RAD51B: variants seen among roughly 807,000 people sequenced by gnomAD.
RAD51B encodes the protein RAD51 paralog B.
Under a neutral mutation model 42.2 loss-of-function variants are expected in RAD51B, and 38 were observed. That is an observed-to-expected ratio of 0.90 (90% CI 0.70 to 1.18). The LOEUF is 1.18. Among genes scored for constraint, RAD51B ranks in the 50% most tolerant of loss-of-function variants. The pLI, the probability that RAD51B is intolerant of heterozygous loss-of-function variation, is 0.00. For synonymous variants in RAD51B, 154 were observed against 145.2 expected, an observed-to-expected ratio of 1.06 and a Z score of -0.43; for missense variants, 373 against 400.7, an observed-to-expected ratio of 0.93 and a Z score of 0.59.
intron 10 of RAD51B, among the ~76,000 whole-genome samples, chr14:68,646,920 G>T (rs1290202859): frequency 6.6e-6 from 1 of 152,068 alleles, no homozygotes; most frequent in Admixed American, 6.6e-5. Flanking sequence ...CATTTAATCT[G>T]TCTGGGTCTT....
chr14:68,492,511 GA>G (rs1884157057), intron 10 of RAD51B, among the ~76,000 whole-genome samples: 1 of 152,200 alleles, frequency 6.6e-6, no homozygotes, highest in Non-Finnish European at 1.5e-5. Context: ...AGGGATTTGT[GA>G]GCTCAAAATC....
chr14:68,102,852 TG>T (rs1460421747), intron 7 of RAD51B, among the ~76,000 whole-genome samples: 5 of 151,906 alleles, frequency 3.3e-5, no homozygotes, highest in Non-Finnish European at 7.4e-5. Flanking sequence ...CACCCAAGAG[TG>T]GGTAATTTAT....
At chr14:68,491,300 C>A (rs1884055576) in intron 10 of RAD51B, among the ~76,000 whole-genome samples, 1 of 152,106 alleles carries the variant, frequency 6.6e-6, no homozygotes, top group African/African-American at 2.4e-5. Flanking sequence ...CTAGGTGCAA[C>A]GCATCATGTT....
intron 10 of RAD51B, among the ~76,000 whole-genome samples, chr14:68,602,147 C>T (rs1891243074): frequency 6.6e-6 from 1 of 152,070 alleles, no homozygotes; most frequent in Non-Finnish European, 1.5e-5. Context: ...GCCTTGGTCT[C>T]CTGCTCCCTT....
chr14:67,981,902 A>G (rs1485470066), intron 7 of RAD51B, among the ~76,000 whole-genome samples: 3 of 152,172 alleles, frequency 2.0e-5, no homozygotes. Flanking sequence ...TTGCAGGTAT[A>G]TACATAATTC....
At chr14:68,403,429 C>T (rs1026489125) in intron 8 of RAD51B, among the ~76,000 whole-genome samples, 2 of 152,098 alleles carry the variant, frequency 1.3e-5, no homozygotes, top group African/African-American at 2.4e-5. Context: ...AAATGCTTAG[C>T]ACAGGAGTCA....
chr14:68,338,771 G>A (rs990815728), intron 8 of RAD51B: 5 of 509,300 alleles, frequency 9.8e-6, no homozygotes, highest in Non-Finnish European at 1.9e-5. Flanking sequence ...TTGCCTTTTC[G>A]AGCTTGATAA....
chr14:68,438,776 T>A (rs1014921233), intron 9 of RAD51B, among the ~76,000 whole-genome samples: 4 of 152,134 alleles, frequency 2.6e-5, no homozygotes, highest in African/African-American at 9.7e-5. Context: ...CAAACTATTT[T>A]CAGTAAAGCG....
chr14:67,829,891 A>G (rs908603602), intron 3 of RAD51B, among the ~76,000 whole-genome samples: 1 of 152,200 alleles, frequency 6.6e-6, no homozygotes, highest in Admixed American at 6.5e-5. Flanking sequence ...AGGTACTTTG[A>G]AACTTTATAA....
intron 7 of RAD51B, among the ~76,000 whole-genome samples, chr14:68,166,168 CTTTTTT>C (rs71129871): frequency 7.6e-6 from 1 of 132,036 alleles, no homozygotes; most frequent in South Asian, 2.4e-4. Flanking sequence ...TATTTCTGCT[CTTTTTT>C]TTTTTTTTTT....
intron 7 of RAD51B, chr14:68,149,778 A>G (rs2078335990): frequency 6.6e-6 from 1 of 152,154 alleles, no homozygotes; most frequent in Non-Finnish European, 1.5e-5. Context: ...CTTTCAGCAT[A>G]TTGATGCTGA....
chr14:68,266,422 A>G (rs1477843592), intron 7 of RAD51B, among the ~76,000 whole-genome samples: 1 of 152,220 alleles, frequency 6.6e-6, no homozygotes, highest in East Asian at 1.9e-4. Flanking sequence ...AGTATAGGGT[A>G]GGACCCCTCT....
chr14:68,330,530 T>C (rs1305603670), intron 8 of RAD51B, among the ~76,000 whole-genome samples: 7 of 152,170 alleles, frequency 4.6e-5, no homozygotes, highest in African/African-American at 1.7e-4. Flanking sequence ...GATGTACTTA[T>C]CAAAAGAGTG....
intron 3 of RAD51B, among the ~76,000 whole-genome samples, chr14:67,830,804 G>A (rs752072456): frequency 1.4e-4 from 21 of 152,068 alleles, no homozygotes; most frequent in South Asian, 6.2e-4. Flanking sequence ...GAGAAACTGA[G>A]TGGTACCATT....
intron 10 of RAD51B, among the ~76,000 whole-genome samples, chr14:68,560,574 A>G (rs1889094174): frequency 6.6e-6 from 1 of 152,110 alleles, no homozygotes; most frequent in Non-Finnish European, 1.5e-5. Flanking sequence ...CATCTCTACT[A>G]AAAATACAAA....
At chr14:68,113,349 G>T (rs1566654570) in intron 7 of RAD51B, among the ~76,000 whole-genome samples, 2 of 152,064 alleles carry the variant, frequency 1.3e-5, no homozygotes, top group African/African-American at 4.8e-5. Flanking sequence ...CATAGATGAA[G>T]AATTATAATT....
At chr14:67,986,604 T>G (rs915741657) in intron 7 of RAD51B, among the ~76,000 whole-genome samples, 33 of 152,342 alleles carry the variant, frequency 2.2e-4, no homozygotes, top group African/African-American at 7.2e-4. Flanking sequence ...CTTTGTCTTT[T>G]AAAAATATGT....
intron 7 of RAD51B, among the ~76,000 whole-genome samples, chr14:67,913,622 A>T (rs2140119417): frequency 6.6e-6 from 1 of 152,246 alleles, no homozygotes. Context: ...TCTTTAATGA[A>T]TCAGTTAAAA....
chr14:68,403,699 C>T (rs1566861737), intron 8 of RAD51B, among the ~76,000 whole-genome samples: 1 of 152,176 alleles, frequency 6.6e-6, no homozygotes. Flanking sequence ...GGAATTGGAT[C>T]CAAAAGATAG....
Sources: gnomAD v4.1 joint callset for allele counts (sites outside exome capture counted in the v4.1 genomes callset) on GRCh38, gnomAD v4.1.1 for gene constraint, MANE v1.5 for transcripts, NCBI Gene and HGNC (gene_info 2026-07-23, HGNC 2026-07-21) for gene names.